PCLO: variants seen among roughly 807,000 people sequenced by gnomAD.
PCLO encodes piccolo presynaptic cytomatrix protein.
In PCLO, 82 loss-of-function variants were observed where a neutral mutation model predicts 427.5. That is an observed-to-expected ratio of 0.19 (90% CI 0.16 to 0.23). The LOEUF is 0.23. Among genes scored for constraint, PCLO ranks in the 10% least tolerant of loss-of-function variants. The pLI, the probability that PCLO is intolerant of heterozygous loss-of-function variation, is 1.00. For synonymous variants in PCLO, 2,357 were observed against 2,155.4 expected (o/e 1.09, Z -2.59); for missense variants, 6,239 against 6,115.9 (o/e 1.02, Z -0.67).
chr7:83,011,206 T>A (rs902562605), intron 3 of PCLO, among the ~76,000 whole-genome samples: 6 of 152,074 alleles, frequency 3.9e-5, no homozygotes, highest in African/African-American at 1.2e-4. Flanking sequence ...AACTACCATG[T>A]GAAATTTATC....
At chr7:83,149,525 T>C (rs919941162) in intron 2 of PCLO, among the ~76,000 whole-genome samples, 1 of 152,116 alleles carries the variant, frequency 6.6e-6, no homozygotes. Flanking sequence ...GTGGCAGTTT[T>C]TGCTTAGAAT....
In PCLO at chr7:82,846,608, T is replaced by C; in HGVS notation, c.13790A>G (p.Glu4597Gly). ...ATGAAGTTCCAGATGCTGGGAATTTTCAGAATCTGATAGCATATTGAGGTC... is the reference window on the plus strand; with the variant it reads ...ATGAAGTTCCAGATGCTGGGAATTTCCAGAATCTGATAGCATATTGAGGTC... ...RLDLNMLSDS[E>G]NSQHLELHEP... The change falls in exon 12 of 25, where the codon GAA becomes GGA. Residue 4597 changes from glutamate (E) to glycine (G), a missense_variant. Glu to Gly is a moderately conservative substitution (Grantham distance 98). Coordinates refer to ENST00000333891, the MANE Select transcript of PCLO (RefSeq NM_033026.6). The C allele has an allele frequency of 6.2e-7, 1 of 1,608,424 alleles. No homozygotes were observed. The highest frequency in any genetic ancestry group is 1.3e-5 in the African/African-American group (1 of 74,802).
At chr7:82,939,660 TAG>T (rs1241848742) in intron 6 of PCLO, among the ~76,000 whole-genome samples, 3,086 of 146,410 alleles carry the variant, frequency 0.021, 121 homozygotes, top group African/African-American at 0.074. Context: ...TATATATATA[TAG>T]AGAGAGAGAG....
At chr7:82,882,925 A>C (rs1793543257) in intron 9 of PCLO, among the ~76,000 whole-genome samples, 1 of 152,128 alleles carries the variant, frequency 6.6e-6, no homozygotes, top group African/African-American at 2.4e-5. Context: ...ATTTTAAAGT[A>C]TCACAAAGAA....
intron 3 of PCLO, among the ~76,000 whole-genome samples, chr7:83,128,318 T>C (rs1362248191): frequency 6.6e-6 from 1 of 152,056 alleles, no homozygotes; most frequent in Non-Finnish European, 1.5e-5. Context: ...TATTCTAAAA[T>C]GTCATTTCTA....
chr7:82,955,053 C>T lies in PCLO; in HGVS notation c.5900G>A (p.Gly1967Glu). 3 of 1,613,800 alleles carry T rather than the reference C, an allele frequency of 1.9e-6. No individual in the cohort carries two copies. Among genetic ancestry groups the T allele is most frequent in the Non-Finnish European group, 2.5e-6 (3 of 1,179,868 alleles). ...YESLVEDTYN[G>E]SVDGSLLTRQ... ...TGTTAGCAGACTGCCATCTACCGAT[C>T]CATTGTACGTGTCTTCTACTAAAGA... The change falls in exon 5 of 25, where the codon GGA (glycine) becomes GAA (glutamate). Residue 1967 changes from glycine to glutamate, a missense_variant. Transcript: ENST00000333891.
intron 3 of PCLO, among the ~76,000 whole-genome samples, chr7:83,074,340 A>C (rs1240372457): frequency 6.6e-6 from 1 of 152,084 alleles, no homozygotes; most frequent in African/African-American, 2.4e-5. Context: ...TAGACACACA[A>C]AAGTTAGTAC....
intron 6 of PCLO, among the ~76,000 whole-genome samples, chr7:82,940,213 C>G (rs1260574952): frequency 6.6e-6 from 1 of 152,144 alleles, no homozygotes; most frequent in Non-Finnish European, 1.5e-5. Flanking sequence ...ACTCCTGCCA[C>G]AAGTGACCTA....
chr7:83,084,610 A>G (rs1047425811), intron 3 of PCLO, among the ~76,000 whole-genome samples: 1 of 152,216 alleles, frequency 6.6e-6, no homozygotes, highest in Non-Finnish European at 1.5e-5. Flanking sequence ...TGGAAAAAAT[A>G]CTTCTGTAAG....
intron 3 of PCLO, among the ~76,000 whole-genome samples, chr7:83,058,345 C>A (rs542302202): frequency 6.6e-6 from 1 of 152,108 alleles, no homozygotes; most frequent in South Asian, 2.1e-4. Context: ...AAGTGCAGTA[C>A]ATTTTGAACC....
At chr7:82,834,895 A>C (rs1346229786) in intron 16 of PCLO, among the ~76,000 whole-genome samples, 1 of 152,136 alleles carries the variant, frequency 6.6e-6, no homozygotes, top group African/African-American at 2.4e-5. Flanking sequence ...AAGGCATGAA[A>C]ATGTTTCAAC....
chr7:83,038,093 A>ATATATT, intron 3 of PCLO, among the ~76,000 whole-genome samples: 1 of 114,564 alleles, frequency 8.7e-6, no homozygotes. Flanking sequence ...ATCTTTATAT[A>ATATATT]TATATATTTA....
In PCLO at chr7:82,774,468, T is replaced by C. The variant is rs149309680; in HGVS notation, c.15008-12975A>G. Among the ~76,000 whole-genome samples the C allele has an allele frequency of 7.9e-5, 12 of 152,352 alleles. No individual in the cohort carries two copies. In the East Asian group the frequency reaches 2.1e-3, roughly 27 times the overall value. On this transcript the variant is annotated intron_variant, in intron 22 of 24. Coordinates refer to ENST00000333891, the MANE Select transcript of PCLO (RefSeq NM_033026.6). Reference sequence around the variant, plus strand: ...ACCTTGCAGGGTAACTTTATCCTTGTATAAGTCGGGATAGACTAGATTCTG... The same window carrying C: ...ACCTTGCAGGGTAACTTTATCCTTGCATAAGTCGGGATAGACTAGATTCTG...
At chr7:83,066,207 T>C (rs1308958936) in intron 3 of PCLO, among the ~76,000 whole-genome samples, 1 of 152,114 alleles carries the variant, frequency 6.6e-6, no homozygotes, top group Non-Finnish European at 1.5e-5. Flanking sequence ...TTTTGAAACT[T>C]TTTAAACCCT....
intron 2 of PCLO, among the ~76,000 whole-genome samples, chr7:83,145,928 C>T (rs1791983303): frequency 6.6e-6 from 1 of 152,124 alleles, no homozygotes; most frequent in Non-Finnish European, 1.5e-5. Context: ...TTCCAAAGCA[C>T]CATCTTATGA....
chr7:82,950,683 T>C lies in PCLO; in HGVS notation c.9905A>G (p.Gln3302Arg), dbSNP rs201475178. ...TTGCTCCTCCAGCTGCTGGTGAAGC[T>C]GTTGTTGCAGCTGTTGGATCTGCTC... ...QLEQIQQLQQ[Q>R]LHQQLEEQKI... Residue 3302 changes from glutamine to arginine, a missense_variant, in exon 6 of 25, where the codon CAG becomes CGG. Gln to Arg is a conservative substitution (Grantham distance 43). Transcript: ENST00000333891. The C allele has an allele frequency of 3.6e-5, 58 of 1,613,756 alleles. No homozygotes were observed. Among genetic ancestry groups the C allele is most frequent in the Non-Finnish European group, 4.7e-5 (55 of 1,179,840 alleles).
chr7:82,755,046 G>A lies in PCLO; in HGVS notation c.*3529C>T, dbSNP rs937917191. 2.0e-5 allele frequency: 3 copies of A among 151,606 alleles called. No individual in the cohort carries two copies. 9.4% of individuals were successfully genotyped at this position (151,606 alleles called of 1,614,324 possible). On this transcript the variant is annotated 3_prime_UTR_variant, in exon 25 of 25. Transcript: ENST00000333891. ...TGATCAAATAATTTCTAATAAATTG[G>A]GCACAATATAATATATACTTTTATT...
At chr7:82,906,871 CATT>C (rs758322404) in intron 8 of PCLO, among the ~76,000 whole-genome samples, 18 of 152,018 alleles carry the variant, frequency 1.2e-4, no homozygotes, top group African/African-American at 2.9e-4. Flanking sequence ...AGAATATACA[CATT>C]ATTATATTCA....
At chr7:83,087,109 T>A (rs1233210905) in intron 3 of PCLO, among the ~76,000 whole-genome samples, 1 of 149,412 alleles carries the variant, frequency 6.7e-6, no homozygotes. Flanking sequence ...CATTAGGAGA[T>A]ATACCTCATG....
Sources: allele counts gnomAD v4.1 joint callset (sites outside exome capture counted in the v4.1 genomes callset), GRCh38; gene constraint gnomAD v4.1.1; transcripts MANE v1.5; gene names NCBI Gene and HGNC (gene_info 2026-07-23, HGNC 2026-07-21).